The following CD86 variants were observed in gnomAD, a reference collection of about 807,000 sequenced individuals.
CD86 encodes the protein CD86 molecule.
Under a neutral mutation model 32.1 loss-of-function variants are expected in CD86, and 11 were observed. The observed-to-expected ratio is 0.34, with a 90% CI of 0.22 to 0.57. CD86 has a LOEUF of 0.57. Ranked by LOEUF, CD86 falls within the 20% of genes least tolerant of loss-of-function variation. The pLI is 0.86. For synonymous variants in CD86, 137 were observed against 135.3 expected (o/e 1.01, Z -0.09); for missense variants, 359 against 398.4 (o/e 0.90, Z 0.84).
intron 2 of CD86, among the ~76,000 whole-genome samples, chr3:122,098,175 C>A (rs542425445): frequency 6.6e-6 from 1 of 152,128 alleles, no homozygotes; most frequent in African/African-American, 2.4e-5. Flanking sequence ...CCAAACATAC[C>A]GTGTCATGTC....
chr3:122,077,614 T>C (rs2072572369), intron 1 of CD86, among the ~76,000 whole-genome samples: 1 of 152,232 alleles, frequency 6.6e-6, no homozygotes, highest in Non-Finnish European at 1.5e-5. Flanking sequence ...TTTTCATCTA[T>C]GGGCTTCAAA....
intron 2 of CD86, among the ~76,000 whole-genome samples, chr3:122,095,369 C>T (rs777015127): frequency 6.6e-6 from 1 of 151,980 alleles, no homozygotes; most frequent in African/African-American, 2.4e-5. Flanking sequence ...TTGGTAGAGA[C>T]GGGGTTTCAC....
chr3:122,118,908 C>T (rs1315709346), intron 6 of CD86, among the ~76,000 whole-genome samples: 1 of 152,184 alleles, frequency 6.6e-6, no homozygotes, highest in Non-Finnish European at 1.5e-5. Flanking sequence ...ACCTCTATCC[C>T]TCCTGAGAAA....
At chr3:122,085,555 C>T (rs557142485) in intron 1 of CD86, among the ~76,000 whole-genome samples, 125 of 152,278 alleles carry the variant, frequency 8.2e-4, no homozygotes, top group African/African-American at 2.9e-3. Context: ...TAAGCCACAC[C>T]TAGAAGAGCT....
chr3:122,058,443 G>A (rs149409685), intron 1 of CD86, among the ~76,000 whole-genome samples: 5 of 152,310 alleles, frequency 3.3e-5, no homozygotes, highest in Non-Finnish European at 7.3e-5. Flanking sequence ...GGAGCAAAGA[G>A]CTAGTGCAAG....
At chr3:122,101,495 G>GA (rs72402574) in intron 2 of CD86, among the ~76,000 whole-genome samples, 217 of 53,202 alleles carry the variant, frequency 4.1e-3, no homozygotes, top group Non-Finnish European at 5.6e-3. Flanking sequence ...AGGCTCTACA[G>GA]AAAAAAAAAA....
intron 2 of CD86, among the ~76,000 whole-genome samples, chr3:122,102,411 T>A (rs1163186620): frequency 7.4e-6 from 1 of 136,028 alleles, no homozygotes; most frequent in African/African-American, 2.8e-5. Flanking sequence ...GCTTACTTTT[T>A]TTTTTTTTTT....
At chr3:122,101,918 G>A (rs190897949) in intron 2 of CD86, among the ~76,000 whole-genome samples, 1 of 152,032 alleles carries the variant, frequency 6.6e-6, no homozygotes, top group Admixed American at 6.6e-5. Context: ...ATACCGGTAC[G>A]CATCCTCTAC....
chr3:122,094,377 A>G (rs1372303557), intron 2 of CD86, among the ~76,000 whole-genome samples: 3 of 152,214 alleles, frequency 2.0e-5, no homozygotes. Flanking sequence ...ACAACCTCAA[A>G]TGGTAACCGT....
chr3:122,075,859 C>T (rs1289290432), intron 1 of CD86, among the ~76,000 whole-genome samples: 2 of 152,148 alleles, frequency 1.3e-5, no homozygotes, highest in Admixed American at 1.3e-4. Context: ...AACAATAAAA[C>T]AACTTGTTTT....
chr3:122,092,416 T>G (rs1463978393), intron 2 of CD86, among the ~76,000 whole-genome samples: 1 of 152,186 alleles, frequency 6.6e-6, no homozygotes, highest in East Asian at 1.9e-4. Context: ...AACTTTTCCC[T>G]CCATGCCATT....
chr3:122,074,615 A>G (rs4678186), intron 1 of CD86, among the ~76,000 whole-genome samples: 13,119 of 152,188 alleles, frequency 0.086, 585 homozygotes, highest in East Asian at 0.11. Flanking sequence ...ACTCAGCTAA[A>G]TGTTCAGATG....
chr3:122,112,603 T>G (rs181420957), intron 5 of CD86, among the ~76,000 whole-genome samples: 1 of 152,364 alleles, frequency 6.6e-6, no homozygotes, highest in Admixed American at 6.5e-5. Flanking sequence ...GCTTAAAGAC[T>G]GAAAGTTAGT....
intron 5 of CD86, among the ~76,000 whole-genome samples, chr3:122,116,528 A>T (rs956205393): frequency 1.3e-5 from 2 of 152,194 alleles, no homozygotes; most frequent in Non-Finnish European, 2.9e-5. Flanking sequence ...ACTCTCATAT[A>T]CTGCTATACA....
intron 1 of CD86, among the ~76,000 whole-genome samples, chr3:122,089,525 A>T (rs2072779377): frequency 6.6e-6 from 1 of 152,172 alleles, no homozygotes; most frequent in Admixed American, 6.5e-5. Flanking sequence ...AAAACTTATG[A>T]GATGTAATTT....
At chr3:122,087,861 A>G (rs529701282) in intron 1 of CD86, among the ~76,000 whole-genome samples, 14 of 152,300 alleles carry the variant, frequency 9.2e-5, no homozygotes, top group African/African-American at 3.1e-4. Context: ...AGCAGCTTCT[A>G]ACCCAGGGGA....
intron 2 of CD86, among the ~76,000 whole-genome samples, chr3:122,100,457 G>A (rs1356908308): frequency 3.3e-5 from 5 of 152,208 alleles, no homozygotes; most frequent in Non-Finnish European, 7.3e-5. Flanking sequence ...GTAATGGAAT[G>A]AGGCTTTCAA....
At chr3:122,116,338 G>A (rs2073249851) in intron 5 of CD86, among the ~76,000 whole-genome samples, 1 of 152,076 alleles carries the variant, frequency 6.6e-6, no homozygotes, top group African/African-American at 2.4e-5. Flanking sequence ...GAAGAGACTT[G>A]AACAGATACA....
intron 2 of CD86, among the ~76,000 whole-genome samples, chr3:122,093,772 A>T (rs2072864743): frequency 6.6e-6 from 1 of 152,178 alleles, no homozygotes; most frequent in South Asian, 2.1e-4. Context: ...TTTGAGCCTC[A>T]CAATAACTCT....
Sources: allele counts gnomAD v4.1 joint callset (sites outside exome capture counted in the v4.1 genomes callset), GRCh38; gene constraint gnomAD v4.1.1; transcripts MANE v1.5; gene names NCBI Gene and HGNC (gene_info 2026-07-23, HGNC 2026-07-21).